Variants in OR8B2 observed in about 807,000 individuals in gnomAD.
The protein encoded by OR8B2 is olfactory receptor family 8 subfamily B member 2.
For synonymous variants in OR8B2, 98 were observed against 138.2 expected, an observed-to-expected ratio of 0.71 and a Z score of 2.04; for missense variants, 304 against 379.6, an observed-to-expected ratio of 0.80 and a Z score of 1.65.
At chr11:124,387,555 G>T (rs1209187972), upstream of OR8B2, among the ~76,000 whole-genome samples, 2 of 151,218 alleles carry the variant, frequency 1.3e-5, no homozygotes, top group Non-Finnish European at 1.5e-5. Flanking sequence ...GTTTGTCAAA[G>T]ATCAGATAGT....
At chr11:124,389,375 T>C (rs903932829), upstream of OR8B2, among the ~76,000 whole-genome samples, 10 of 152,300 alleles carry the variant, frequency 6.6e-5, no homozygotes, top group South Asian at 2.1e-4. Context: ...CAAAGTACAT[T>C]GGGGTTCTTT....
In OR8B2 at chr11:124,382,629, T is replaced by G. The variant is rs756770487; in HGVS notation, c.715A>C (p.Ser239Arg). 1 of 1,611,822 alleles carries G rather than the reference T, an allele frequency of 6.2e-7. No individual in the cohort carries two copies. The highest frequency in any genetic ancestry group is 8.5e-7 in the Non-Finnish European group (1 of 1,178,882). Residue 239 changes from serine (S) to arginine (R), a missense_variant, in exon 2 of 2, where the codon AGT becomes CGT. Transcript: ENST00000641451. ...KSTQGRSKAF[S>R]TCSSHVIALS... ...GCAATGACATGAGAGCTACAAGTAC[T>G]GAAGGCTTTTGATCTTCCTTGAGTG...
At chr11:124,395,248 A>G in the OR8B2 span, among the ~76,000 whole-genome samples, 6 of 152,168 alleles carry the variant, frequency 3.9e-5, no homozygotes, top group Non-Finnish European at 7.3e-5. Flanking sequence ...TAGGTGACAG[A>G]GTGAGATCCT....
At chr11:124,396,154 G>A in the OR8B2 span, 1 of 379,268 alleles carries the variant, frequency 2.6e-6, no homozygotes. Context: ...AGAGAGGAAG[G>A]ATATAAAATG....
the OR8B2 span, among the ~76,000 whole-genome samples, chr11:124,390,379 G>T: frequency 3.3e-5 from 5 of 152,232 alleles, no homozygotes; most frequent in East Asian, 9.6e-4. Flanking sequence ...CAATCTTTTG[G>T]CTTCCCTAGG....
At chr11:124,390,572 A>G in the OR8B2 span, among the ~76,000 whole-genome samples, 1 of 152,264 alleles carries the variant, frequency 6.6e-6, no homozygotes, top group East Asian at 1.9e-4. Context: ...GCTTTCGGAT[A>G]TGTCATTTGA....
the OR8B2 span, chr11:124,395,943 C>T: frequency 5.0e-3 from 770 of 153,990 alleles, 5 homozygotes; most frequent in African/African-American, 0.017. Flanking sequence ...TCAAGGGGTG[C>T]TCATTCTGCT....
the OR8B2 span, chr11:124,396,437 A>C: frequency 6.2e-7 from 1 of 1,604,684 alleles, no homozygotes; most frequent in Non-Finnish European, 8.5e-7. Context: ...TCTGAATTTT[A>C]ATCAGAGCTT....
chr11:124,385,811 TG>T (rs1354863292), upstream of OR8B2, among the ~76,000 whole-genome samples: 5 of 151,874 alleles, frequency 3.3e-5, no homozygotes, highest in African/African-American at 9.7e-5. Context: ...TTTAATTTTT[TG>T]TAGGGATAGG....
the OR8B2 span, among the ~76,000 whole-genome samples, chr11:124,389,672 T>C: frequency 6.6e-6 from 1 of 152,168 alleles, no homozygotes; most frequent in African/African-American, 2.4e-5. Flanking sequence ...AGAAAAACTA[T>C]AGTTACGTTA....
Position 124,382,550 on chromosome 11 carries a change from C to G in OR8B2, c.794G>C (p.Gly265Ala), listed in dbSNP as rs1449098841. 3 of 1,613,334 alleles carry G rather than the reference C, an allele frequency of 1.9e-6. No homozygotes were observed. Among genetic ancestry groups the G allele is most frequent in the African/African-American group, 1.3e-5 (1 of 74,882 alleles). Residue 265 changes from glycine to alanine, a missense_variant, in exon 2 of 2, where the codon GGA becomes GCA. Gly to Ala is a moderately conservative substitution (Grantham distance 60). Transcript: ENST00000641451. ...AGAAACTTTTCCCTGCTCCATAGAT[C>G]CAGAAGAATATTTAATATACATGAA... ...AAFMYIKYSSGSMEQGKVSSV... is the reference protein window; with the variant it reads ...AAFMYIKYSSASMEQGKVSSV...
the OR8B2 span, among the ~76,000 whole-genome samples, chr11:124,392,264 G>T: frequency 3.6e-5 from 4 of 111,350 alleles, no homozygotes; most frequent in South Asian, 1.4e-3. Context: ...TCTGGCCAGG[G>T]CAATCAGGCA....
chr11:124,390,276 A>G, the OR8B2 span, among the ~76,000 whole-genome samples: 5 of 152,322 alleles, frequency 3.3e-5, no homozygotes, highest in Admixed American at 2.6e-4. Flanking sequence ...AGTGCTATCC[A>G]GCTATTCACT....
upstream of OR8B2, among the ~76,000 whole-genome samples, chr11:124,388,953 G>C (rs113237765): frequency 0.01 from 1,532 of 151,520 alleles, 36 homozygotes; most frequent in African/African-American, 0.035. Flanking sequence ...AGCCTCCCAA[G>C]TAGCTGGGAT....
rs746822155 is a variant in OR8B2, at chr11:124,382,650, G to T, written c.694C>A (p.Gln232Lys). The T allele has an allele frequency of 2.5e-6, 4 of 1,611,962 alleles. No homozygotes were observed. The East Asian group carries it at 8.9e-5, about 36-fold the overall frequency. ...VTSILHIKSTQGRSKAFSTCS... is the reference protein window; with the variant it reads ...VTSILHIKSTKGRSKAFSTCS... Reference sequence around the variant, plus strand: ...GTACTGAAGGCTTTTGATCTTCCTTGAGTGGATTTGATATGAAGAATGCTA... The same window carrying T: ...GTACTGAAGGCTTTTGATCTTCCTTTAGTGGATTTGATATGAAGAATGCTA... The change falls in exon 2 of 2, where the codon CAA becomes AAA. Residue 232 changes from glutamine (Q) to lysine (K), a missense_variant. Gln to Lys is a moderately conservative substitution (Grantham distance 53). Transcript: ENST00000641451.
At chr11:124,385,662 A>G (rs1310010701), upstream of OR8B2, among the ~76,000 whole-genome samples, 1 of 139,312 alleles carries the variant, frequency 7.2e-6, no homozygotes, top group African/African-American at 2.7e-5. Flanking sequence ...ACAGGGTCCT[A>G]CTCTGTCACC....
the OR8B2 span, chr11:124,397,146 A>G: frequency 5.0e-6 from 8 of 1,612,816 alleles, no homozygotes; most frequent in African/African-American, 2.7e-5. Context: ...ACAGAGATCA[A>G]TGAAGGAGAG....
chr11:124,393,890 T>A, the OR8B2 span, among the ~76,000 whole-genome samples: 2 of 150,132 alleles, frequency 1.3e-5, no homozygotes, highest in East Asian at 3.9e-4. Flanking sequence ...ATTAAAAAAA[T>A]GTGGCACATG....
chr11:124,397,224 A>G, the OR8B2 span: 5 of 1,608,948 alleles, frequency 3.1e-6, no homozygotes, highest in African/African-American at 5.6e-5. Flanking sequence ...GATCAAGCCA[A>G]GGTTGCCTAC....
Sources: gnomAD v4.1 joint callset for allele counts (sites outside exome capture counted in the v4.1 genomes callset) on GRCh38, gnomAD v4.1.1 for gene constraint, MANE v1.5 for transcripts, NCBI Gene and HGNC (gene_info 2026-07-23, HGNC 2026-07-21) for gene names.